The following AGBL4 variants were observed in gnomAD, a reference collection of about 807,000 sequenced individuals.
AGBL4 encodes AGBL carboxypeptidase 4.
A neutral mutation model predicts 66.4 loss-of-function variants in AGBL4; 58 were observed. The ratio of observed to expected loss-of-function variants is 0.87; its 90% CI spans 0.71 to 1.09. AGBL4 has a LOEUF of 1.09. Among genes scored for constraint, AGBL4 ranks in the 50% least tolerant of loss-of-function variants. The pLI is 0.00. For synonymous variants in AGBL4, 234 were observed against 222.9 expected (o/e 1.05, Z -0.44); for missense variants, 579 against 631.0 (o/e 0.92, Z 0.88).
intron 1 of AGBL4, among the ~76,000 whole-genome samples, chr1:49,992,371 CAAA>C (rs34311728): frequency 6.9e-5 from 6 of 86,822 alleles, no homozygotes; most frequent in Non-Finnish European, 7.2e-5. Flanking sequence ...GACTCCGTCT[CAAA>C]AAAAAAAAAA....
intron 5 of AGBL4, among the ~76,000 whole-genome samples, chr1:48,982,983 A>C (rs1263360467): frequency 6.6e-6 from 1 of 152,180 alleles, no homozygotes; most frequent in Non-Finnish European, 1.5e-5. Flanking sequence ...GTTTTACAAG[A>C]GAGTGACAGG....
chr1:48,718,579 G>T (rs1238858456), intron 6 of AGBL4, among the ~76,000 whole-genome samples: 1 of 152,174 alleles, frequency 6.6e-6, no homozygotes, highest in Non-Finnish European at 1.5e-5. Flanking sequence ...GGAAAAGAAT[G>T]TATCAGGGGC....
At chr1:49,630,724 A>C (rs1347371263) in intron 3 of AGBL4, among the ~76,000 whole-genome samples, 1 of 152,136 alleles carries the variant, frequency 6.6e-6, no homozygotes, top group Non-Finnish European at 1.5e-5. Context: ...CTTCCTTATC[A>C]AACATCCAAT....
intron 3 of AGBL4, among the ~76,000 whole-genome samples, chr1:49,323,356 A>C (rs1645164281): frequency 6.6e-6 from 1 of 151,116 alleles, no homozygotes. Flanking sequence ...ATCTCAGCTC[A>C]CTGCAACCCC....
In AGBL4 at chr1:49,553,168, C is replaced by T. The variant is rs147427786; in HGVS notation, c.282+144145G>A. On this transcript the variant is annotated intron_variant, in intron 3 of 13. Coordinates refer to ENST00000371839, the MANE Select transcript of AGBL4 (RefSeq NM_032785.4). Reference sequence around the variant, plus strand: ...TAATTAGAATATTCAGTCAGGCAGGCCTGAGCCTGAGTGAAATTTCATTGT... The same window carrying T: ...TAATTAGAATATTCAGTCAGGCAGGTCTGAGCCTGAGTGAAATTTCATTGT... Among the ~76,000 whole-genome samples the T allele has an allele frequency of 2.6e-5, 4 of 152,260 alleles. 1 individual carries two copies. The highest frequency in any genetic ancestry group is 9.6e-5 in the African/African-American group (4 of 41,538).
chr1:49,126,339 G>A (rs1645763630), intron 4 of AGBL4, among the ~76,000 whole-genome samples: 1 of 152,112 alleles, frequency 6.6e-6, no homozygotes. Flanking sequence ...GTTCAATAGT[G>A]ATCTGAAGAC....
At chr1:48,831,563 T>C (rs891388121) in intron 6 of AGBL4, among the ~76,000 whole-genome samples, 4 of 152,228 alleles carry the variant, frequency 2.6e-5, no homozygotes, top group Admixed American at 1.3e-4. Flanking sequence ...TTGCAGCATA[T>C]GATTTTTTAA....
chr1:49,305,847 C>T (rs564733356), intron 3 of AGBL4, among the ~76,000 whole-genome samples: 53 of 152,208 alleles, frequency 3.5e-4, no homozygotes, highest in Middle Eastern at 3.4e-3. Context: ...AGTGCCACCA[C>T]GCCCGGCTAA....
chr1:49,910,423 T>C (rs1194081222), intron 1 of AGBL4, among the ~76,000 whole-genome samples: 7 of 152,048 alleles, frequency 4.6e-5, no homozygotes, highest in East Asian at 1.9e-4. Context: ...GAAAGCCTGA[T>C]TGGAGCAGGT....
rs376530313 is a variant in AGBL4, at chr1:49,350,444, C to T, written c.283-104580G>A. Among the ~76,000 whole-genome samples the T allele has an allele frequency of 3.1e-4, 47 of 152,136 alleles. No homozygotes were observed. In the East Asian group the frequency reaches 8.5e-3, roughly 28 times the overall value. ...GGTCTCGATCTCCTGACCTCGTGAT[C>T]CGCCCGCCTCGGCCTCCCAAAGTGC... On this transcript the variant is annotated intron_variant, in intron 3 of 13. Coordinates refer to ENST00000371839, the MANE Select transcript of AGBL4 (RefSeq NM_032785.4).
At chr1:49,249,618 G>C (rs894194753) in intron 3 of AGBL4, among the ~76,000 whole-genome samples, 1 of 152,182 alleles carries the variant, frequency 6.6e-6, no homozygotes, top group African/African-American at 2.4e-5. Context: ...TATATTGTTG[G>C]TGAGAATGGA....
chr1:49,313,464 T>C (rs1362915428), intron 3 of AGBL4, among the ~76,000 whole-genome samples: 1 of 152,156 alleles, frequency 6.6e-6, no homozygotes, highest in African/African-American at 2.4e-5. Context: ...TCTTTCACAA[T>C]GGTTGAACTA....
chr1:49,581,760 G>T (rs1187945162), intron 3 of AGBL4, among the ~76,000 whole-genome samples: 1 of 152,148 alleles, frequency 6.6e-6, no homozygotes, highest in Non-Finnish European at 1.5e-5. Context: ...TTGTGACCTG[G>T]AGCAGTATAT....
Position 48,728,913 on chromosome 1 carries a change from G to C in AGBL4, c.635-65672C>G, listed in dbSNP as rs564150214. Among the ~76,000 whole-genome samples the C allele has an allele frequency of 2.0e-5, 3 of 152,294 alleles. No homozygotes were observed. In the South Asian group the frequency reaches 6.2e-4, roughly 32 times the overall value. On this transcript the variant is annotated intron_variant, in intron 6 of 13. Coordinates refer to ENST00000371839, the MANE Select transcript of AGBL4 (RefSeq NM_032785.4). Reference sequence around the variant, plus strand: ...GGTGGGTGTGAAGTAGTGTCTCACTGCTGTGATTACTAATGAGGCTCAGTA... The same window carrying C: ...GGTGGGTGTGAAGTAGTGTCTCACTCCTGTGATTACTAATGAGGCTCAGTA...
intron 5 of AGBL4, among the ~76,000 whole-genome samples, chr1:48,995,197 C>T (rs1660909407): frequency 6.6e-6 from 1 of 152,170 alleles, no homozygotes; most frequent in South Asian, 2.1e-4. Flanking sequence ...CTGGCTAAAA[C>T]CAACCTATCC....
chr1:48,717,115 G>T (rs988916671), intron 6 of AGBL4, among the ~76,000 whole-genome samples: 1 of 152,120 alleles, frequency 6.6e-6, no homozygotes, highest in African/African-American at 2.4e-5. Context: ...CCACACACCC[G>T]GTACCCTCCC....
At chr1:49,082,416 G>A (rs892414074) in intron 4 of AGBL4, among the ~76,000 whole-genome samples, 1 of 152,192 alleles carries the variant, frequency 6.6e-6, no homozygotes, top group African/African-American at 2.4e-5. Flanking sequence ...GTTCCACATG[G>A]CTGGGAAGGC....
At chr1:48,836,423 T>C (rs918842100) in intron 6 of AGBL4, among the ~76,000 whole-genome samples, 3 of 151,978 alleles carry the variant, frequency 2.0e-5, no homozygotes, top group African/African-American at 4.8e-5. Flanking sequence ...TTCTTTATAC[T>C]CCAAATGCCT....
chr1:49,953,251 T>C (rs1656312711), intron 1 of AGBL4, among the ~76,000 whole-genome samples: 1 of 151,956 alleles, frequency 6.6e-6, no homozygotes, highest in Non-Finnish European at 1.5e-5. Flanking sequence ...TACACTTCAT[T>C]GATCATATCA....
Sources: allele counts gnomAD v4.1 joint callset (sites outside exome capture counted in the v4.1 genomes callset), GRCh38; gene constraint gnomAD v4.1.1; transcripts MANE v1.5; gene names NCBI Gene and HGNC (gene_info 2026-07-23, HGNC 2026-07-21).